LCLAT1: variants seen among roughly 807,000 people sequenced by gnomAD.
The protein encoded by LCLAT1 is 1-AGP acyltransferase 8.
LCLAT1 carries 11 observed loss-of-function variants against 30.7 expected under a neutral mutation model. That is an observed-to-expected ratio of 0.36 (90% CI 0.23 to 0.59). LCLAT1 has a LOEUF of 0.59. LCLAT1 is among the 20% of genes least tolerant of loss of function. LCLAT1 has a pLI of 0.77. For synonymous variants in LCLAT1, 155 were observed against 151.3 expected (o/e 1.02, Z -0.18); for missense variants, 402 against 458.6 (o/e 0.88, Z 1.13).
intron 1 of LCLAT1, among the ~76,000 whole-genome samples, chr2:30,501,078 GTGTGTGTGTGTGTGTGTGTA>G (rs1684357916): frequency 1.3e-5 from 1 of 74,596 alleles, no homozygotes; most frequent in Middle Eastern, 6.4e-3. Flanking sequence ...GTTTTGTTCT[GTGTGTGTGTGTGTGTGTGTA>G]TGTGTGTGTG....
chr2:30,600,079 C>T (rs114929237), intron 5 of LCLAT1, among the ~76,000 whole-genome samples: 2,460 of 152,264 alleles, frequency 0.016, 62 homozygotes, highest in Admixed American at 0.073. Flanking sequence ...TTTAGTGCTT[C>T]CTTCAGGAGT....
chr2:30,523,734 G>A lies in LCLAT1; in HGVS notation c.-4-1853G>A, dbSNP rs1313231736. ...AATACAAAAATCAGATGAGTGTGGT[G>A]GCGCGTGTCTGTAATCCTGGCTACT... On this transcript the variant is annotated intron_variant, in intron 1 of 5. Transcript: ENST00000379509. Among the ~76,000 whole-genome samples the A allele has an allele frequency of 5.9e-5, 9 of 152,158 alleles. 1 individual carries two copies. Among genetic ancestry groups the A allele is most frequent in the Admixed American group, 5.9e-4 (9 of 15,280 alleles).
At chr2:30,632,867 T>A (rs1183240452) in intron 5 of LCLAT1, among the ~76,000 whole-genome samples, 1 of 152,236 alleles carries the variant, frequency 6.6e-6, no homozygotes, top group African/African-American at 2.4e-5. Flanking sequence ...TCAACTTATG[T>A]AGAAGGGGAA....
rs369276830 is a variant in LCLAT1 at position 30,634,892 on chromosome 2, C to G, written c.629-5225C>G. 1.1e-4 allele frequency among the ~76,000 whole-genome samples: 16 copies of G among 152,338 alleles called. No individual in the cohort carries two copies. In the East Asian group the frequency reaches 2.9e-3, roughly 28 times the overall value. ...AACCAAGCCCCAAGGCCATGCTAACCTCTTTCACCTGTTCCCTATACGGAG... is the reference window on the plus strand; with the variant it reads ...AACCAAGCCCCAAGGCCATGCTAACGTCTTTCACCTGTTCCCTATACGGAG... On this transcript the variant is annotated intron_variant, in intron 5 of 5. Transcript: ENST00000379509.
chr2:30,484,730 T>C (rs982903993), intron 1 of LCLAT1, among the ~76,000 whole-genome samples: 1 of 152,130 alleles, frequency 6.6e-6, no homozygotes, highest in Non-Finnish European at 1.5e-5. Context: ...TTTAACTGTA[T>C]GTACATTTGA....
At chr2:30,624,016 G>T (rs1317627692) in intron 5 of LCLAT1, among the ~76,000 whole-genome samples, 1 of 152,140 alleles carries the variant, frequency 6.6e-6, no homozygotes, top group Non-Finnish European at 1.5e-5. Context: ...GAAACTAAGA[G>T]CTTCATAACT....
chr2:30,539,777 G>C (rs1446295909), intron 3 of LCLAT1, among the ~76,000 whole-genome samples: 1 of 152,136 alleles, frequency 6.6e-6, no homozygotes, highest in African/African-American at 2.4e-5. Flanking sequence ...TTGTTATTAT[G>C]TGCTGTGTAC....
intron 3 of LCLAT1, among the ~76,000 whole-genome samples, chr2:30,555,355 A>C (rs1664867326): frequency 6.6e-6 from 1 of 152,170 alleles, no homozygotes; most frequent in East Asian, 1.9e-4. Context: ...TTTGAGGAGA[A>C]CTAACAGAAA....
chr2:30,457,766 G>A (rs757601507), intron 1 of LCLAT1, among the ~76,000 whole-genome samples: 1 of 152,176 alleles, frequency 6.6e-6, no homozygotes, highest in Non-Finnish European at 1.5e-5. Context: ...TCCTTTAACA[G>A]ATTGAACTCC....
chr2:30,537,383 G>T (rs905617132), intron 3 of LCLAT1, among the ~76,000 whole-genome samples: 2 of 141,232 alleles, frequency 1.4e-5, no homozygotes, highest in Admixed American at 1.5e-4. Flanking sequence ...GCGAGACTCC[G>T]TCTCAAAAAA....
At chr2:30,612,004 A>G (rs965606621) in intron 5 of LCLAT1, among the ~76,000 whole-genome samples, 2 of 150,532 alleles carry the variant, frequency 1.3e-5, no homozygotes, top group Non-Finnish European at 3.0e-5. Flanking sequence ...GGATAGAAAG[A>G]AAAAAAATAG....
At chr2:30,584,504 A>G (rs12470531) in intron 5 of LCLAT1, among the ~76,000 whole-genome samples, 3,889 of 152,318 alleles carry the variant, frequency 0.026, 69 homozygotes, top group Non-Finnish European at 0.034. Flanking sequence ...AGAGGGTTAA[A>G]GAATATCACT....
At chr2:30,617,544 C>T (rs1668051733) in intron 5 of LCLAT1, among the ~76,000 whole-genome samples, 1 of 152,154 alleles carries the variant, frequency 6.6e-6, no homozygotes, top group Non-Finnish European at 1.5e-5. Flanking sequence ...TTCTTGGGCA[C>T]ATACCTATGC....
chr2:30,590,895 C>T (rs189820794), intron 5 of LCLAT1, among the ~76,000 whole-genome samples: 4 of 152,202 alleles, frequency 2.6e-5, no homozygotes, highest in Admixed American at 2.6e-4. Context: ...CTAGATATCA[C>T]AGATGAAATA....
chr2:30,505,995 G>T (rs761290427), intron 1 of LCLAT1, among the ~76,000 whole-genome samples: 4 of 152,004 alleles, frequency 2.6e-5, no homozygotes, highest in Non-Finnish European at 5.9e-5. Flanking sequence ...GAATTACCAG[G>T]CTTGTTTATT....
intron 1 of LCLAT1, among the ~76,000 whole-genome samples, chr2:30,449,041 T>C (rs56208020): frequency 6.6e-6 from 1 of 152,364 alleles, no homozygotes; most frequent in Admixed American, 6.5e-5. Flanking sequence ...CTCAGTCATC[T>C]AGCATCACTG....
At chr2:30,447,992 T>TGTAA (rs1681351276) in intron 1 of LCLAT1, among the ~76,000 whole-genome samples, 1 of 152,098 alleles carries the variant, frequency 6.6e-6, no homozygotes, top group Non-Finnish European at 1.5e-5. Context: ...ATCTTTAAGG[T>TGTAA]GTATCGTAGC....
intron 5 of LCLAT1, among the ~76,000 whole-genome samples, chr2:30,619,820 G>A (rs528009494): frequency 6.6e-6 from 1 of 152,062 alleles, no homozygotes; most frequent in Admixed American, 6.5e-5. Flanking sequence ...TAGTCATTTC[G>A]TGTCCCAGAG....
intron 5 of LCLAT1, among the ~76,000 whole-genome samples, chr2:30,624,732 A>C (rs1053481583): frequency 6.6e-6 from 1 of 152,198 alleles, no homozygotes; most frequent in African/African-American, 2.4e-5. Context: ...TCAACAAAGA[A>C]ACAGTGGACT....
Sources: gnomAD v4.1 joint callset for allele counts (sites outside exome capture counted in the v4.1 genomes callset) on GRCh38, gnomAD v4.1.1 for gene constraint, MANE v1.5 for transcripts, NCBI Gene and HGNC (gene_info 2026-07-23, HGNC 2026-07-21) for gene names.